Variants in PNLDC1 observed in about 807,000 individuals in gnomAD.
PNLDC1 encodes PARN like ribonuclease domain containing exonuclease 1.
Under a neutral mutation model 82.0 loss-of-function variants are expected in PNLDC1, and 70 were observed. That is an observed-to-expected ratio of 0.85 (90% CI 0.70 to 1.04). The LOEUF (loss-of-function observed/expected upper bound fraction) is 1.04. PNLDC1 is among the 50% of genes least tolerant of loss of function. The pLI, the probability that PNLDC1 is intolerant of heterozygous loss-of-function variation, is 0.00. For missense variants in PNLDC1, 631 were observed against 661.1 expected (o/e 0.95, Z 0.50); for synonymous variants, 280 against 249.3 (o/e 1.12, Z -1.16).
Position 159,808,225 on chromosome 6 carries a change from T to C in PNLDC1, c.563-515T>C, listed in dbSNP as rs139986245. On this transcript the variant is annotated intron_variant, in intron 7 of 18. Coordinates refer to ENST00000392167, the MANE Select transcript of PNLDC1 (RefSeq NM_001271862.2). ...CACTGCGCCCAGCCGTGAGGCTGGA[T>C]TTTCTTATGTTTCAATGATCACAAC... Among the ~76,000 whole-genome samples, 1,087 of 152,288 alleles carry C rather than the reference T, an allele frequency of 7.1e-3. 12 individuals carry two copies. The highest frequency in any genetic ancestry group is 0.024 in the African/African-American group (992 of 41,556).
chr6:159,802,707 T>C (rs750417360), intron 3 of PNLDC1, among the ~76,000 whole-genome samples: 16 of 152,068 alleles, frequency 1.1e-4, no homozygotes, highest in Non-Finnish European at 2.1e-4. Context: ...CTCAGCCTCC[T>C]GAGTAGCTGG....
chr6:159,803,163 C>G (rs989764669), intron 3 of PNLDC1, 108 bp from the exon 4 acceptor site: 6 of 948,652 alleles, frequency 6.3e-6, no homozygotes, highest in Non-Finnish European at 1.0e-5. Flanking sequence ...TTGTACAGCC[C>G]ACATAGTATC....
intron 13 of PNLDC1, 126 bp from the exon 14 acceptor site, chr6:159,816,417 C>A: frequency 1.2e-6 from 1 of 865,828 alleles, no homozygotes; most frequent in Non-Finnish European, 2.0e-6. Flanking sequence ...GTGTGTGGGC[C>A]TGGAGAAGGG....
intron 3 of PNLDC1, 146 bp from the exon 4 acceptor site, chr6:159,803,125 C>T (rs771491537): frequency 1.1e-5 from 7 of 609,532 alleles, no homozygotes; most frequent in Admixed American, 3.4e-5. Flanking sequence ...TCTGTCTTTT[C>T]TTTTTTGTCA....
At position 159,815,892 on chromosome 6, in the gene PNLDC1, T is replaced by G. The variant is rs978333805; in HGVS notation, c.996-77T>G. The G allele has an allele frequency of 7.7e-5, 89 of 1,150,758 alleles. 1 individual carries two copies. Among genetic ancestry groups the G allele is most frequent in the Non-Finnish European group, 1.1e-4 (85 of 778,838 alleles). 71.3% of individuals were successfully genotyped at this position (1,150,758 alleles called of 1,614,324 possible). A position where few individuals can be genotyped will look rare whatever the true frequency, so the allele number is the denominator to read the frequency against. On this transcript the variant is annotated intron_variant, in intron 12 of 18. Coordinates refer to ENST00000392167, the MANE Select transcript of PNLDC1 (RefSeq NM_001271862.2). Reference sequence around the variant, plus strand: ...GTACATTTAAAAAATTTATATTAACTTAAGGGACTGAGGGGGAATACAAGA... The same window carrying G: ...GTACATTTAAAAAATTTATATTAACGTAAGGGACTGAGGGGGAATACAAGA...
At chr6:159,802,730 G>T (rs1296138529) in intron 3 of PNLDC1, among the ~76,000 whole-genome samples, 1 of 151,842 alleles carries the variant, frequency 6.6e-6, no homozygotes, top group Admixed American at 6.6e-5. Flanking sequence ...TTACAGGTGC[G>T]CGCCACCACA....
Position 159,819,608 on chromosome 6 carries a change from G to C in PNLDC1, c.1532+256G>C, listed in dbSNP as rs565750849. ...AAATCCCTGCTCTCGTGGAGCTCACGTGCTGGGGGAGACAAACAGGATAAA... is the reference window on the plus strand; with the variant it reads ...AAATCCCTGCTCTCGTGGAGCTCACCTGCTGGGGGAGACAAACAGGATAAA... On this transcript the variant is annotated intron_variant, in intron 18 of 18. Coordinates refer to ENST00000392167, the MANE Select transcript of PNLDC1 (RefSeq NM_001271862.2). The surrounding 1 kb of genome is among the most constrained non-coding windows in gnomAD (Gnocchi z 4.6). Among the ~76,000 whole-genome samples the C allele has an allele frequency of 1.5e-4, 23 of 152,232 alleles. No homozygotes were observed. The highest frequency in any genetic ancestry group is 2.9e-4 in the Non-Finnish European group (20 of 68,030).
intron 7 of PNLDC1, among the ~76,000 whole-genome samples, 198 bp from the exon 8 acceptor site, chr6:159,808,542 A>C (rs1282017283): frequency 4.6e-5 from 7 of 151,784 alleles, no homozygotes; most frequent in African/African-American, 1.5e-4. Context: ...AAAAAAAAAA[A>C]AAAAACTCTT....
chr6:159,806,156 A>G, intron 7 of PNLDC1, 73 bp downstream of exon 7: 3 of 1,152,180 alleles, frequency 2.6e-6, no homozygotes, highest in Non-Finnish European at 1.3e-6. Context: ...AGTTGGGGGA[A>G]ACACACCCTT....
In PNLDC1 at chr6:159,811,764, G is replaced by C; in HGVS notation, c.917G>C (p.Ser306Thr). 12 of 1,611,920 alleles carry C rather than the reference G, an allele frequency of 7.4e-6. No homozygotes were observed. Among genetic ancestry groups the C allele is most frequent in the Non-Finnish European group, 1.0e-5 (12 of 1,178,046 alleles). The change falls in exon 11 of 19, where the codon AGT (serine) becomes ACT (threonine). Residue 306 changes from serine (S) to threonine (T), a missense_variant. Physicochemically the swap from Ser to Thr is moderately conservative, Grantham distance 58. Coordinates refer to ENST00000392167, the MANE Select transcript of PNLDC1 (RefSeq NM_001271862.2). ...SLFPVLIDTK[S>T]VTKDIWKEMN... ...TTTCCTGTTCTCATTGATACCAAGA[G>C]TGTAACAAAGGATATCTGGAAGGTA...
chr6:159,814,246 CGA>C (rs1562504274), intron 12 of PNLDC1, among the ~76,000 whole-genome samples: 1 of 152,150 alleles, frequency 6.6e-6, no homozygotes, highest in Non-Finnish European at 1.5e-5. Context: ...GGACGAGGCA[CGA>C]GAGGCGTTTG....
intron 7 of PNLDC1, among the ~76,000 whole-genome samples, chr6:159,807,877 C>A (rs1182134571): frequency 6.6e-6 from 1 of 151,304 alleles, no homozygotes; most frequent in African/African-American, 2.4e-5. Context: ...ATTCTGTTCC[C>A]TTTTCCACCT....
chr6:159,815,352 C>G (rs1781777806), intron 12 of PNLDC1, among the ~76,000 whole-genome samples: 2 of 152,238 alleles, frequency 1.3e-5, no homozygotes, highest in Admixed American at 6.5e-5. Flanking sequence ...TCTGATCAGT[C>G]TTTCTGTGGT....
rs751223588 is a variant in PNLDC1 at position 159,803,977 on chromosome 6, T to G, written c.261T>G (p.His87Gln). 1.9e-6 allele frequency: 3 copies of G among 1,613,472 alleles called. No homozygotes were observed. The Admixed American group carries it at 5.0e-5, about 27-fold the overall frequency. Residue 87 changes from histidine (H) to glutamine (Q), a missense_variant, in exon 5 of 19, where the codon CAT becomes CAG. Transcript: ENST00000392167. ...IEGEANKYIA[H>Q]SCNFYLFPTT... ...TGTTTTATTATAGGTATATAGCCCATTCTTGTAACTTCTATCTCTTCCCTA... is the reference window on the plus strand; with the variant it reads ...TGTTTTATTATAGGTATATAGCCCAGTCTTGTAACTTCTATCTCTTCCCTA...
At chr6:159,807,764 G>A (rs1781500841) in intron 7 of PNLDC1, among the ~76,000 whole-genome samples, 1 of 152,204 alleles carries the variant, frequency 6.6e-6, no homozygotes, top group African/African-American at 2.4e-5. Context: ...ACTCATTAAT[G>A]ATGGTTTCAG....
chr6:159,803,863 T>G, intron 4 of PNLDC1, 102 bp from the exon 5 acceptor site: 1 of 1,297,098 alleles, frequency 7.7e-7, no homozygotes, highest in Non-Finnish European at 1.1e-6. Context: ...CACACTCAGA[T>G]TCTTCTTGCC....
At chr6:159,807,609 G>A (rs1419788074) in intron 7 of PNLDC1, among the ~76,000 whole-genome samples, 1 of 152,152 alleles carries the variant, frequency 6.6e-6, no homozygotes, top group African/African-American at 2.4e-5. Flanking sequence ...GCAAACATTT[G>A]GGAGACCTAC....
rs1007105391 is a variant in PNLDC1, at chr6:159,804,103, G to T, written c.372+15G>T. On this transcript the variant is annotated intron_variant, in intron 5 of 18. Coordinates refer to ENST00000392167, the MANE Select transcript of PNLDC1 (RefSeq NM_001271862.2). ...ACTATAACAAGGTATGGCATTGGAGGAGGGGAACGGGAATGTCTTTTGTTT... is the reference window on the plus strand; with the variant it reads ...ACTATAACAAGGTATGGCATTGGAGTAGGGGAACGGGAATGTCTTTTGTTT... 15 of 1,611,870 alleles carry T rather than the reference G, an allele frequency of 9.3e-6. No individual in the cohort carries two copies. The Admixed American group carries it at 1.2e-4, about 13-fold the overall frequency.
Position 159,818,579 on chromosome 6 carries a change from C to T in PNLDC1, c.1182C>T (p.Ser394=). The change falls in exon 16 of 19, where the codon TCC becomes TCT. Residue 394 remains serine (S), a synonymous_variant. Transcript: ENST00000392167. ...IYHIDPVPES[S]FPQYLDVLAP... ...GCATCGACCCCGTGCCCGAGTCATCCTTTCCTCAGTACCTTGACGTGCTGG... is the reference window on the plus strand; with the variant it reads ...GCATCGACCCCGTGCCCGAGTCATCTTTTCCTCAGTACCTTGACGTGCTGG... 4 of 1,613,896 alleles carry T rather than the reference C, an allele frequency of 2.5e-6. No homozygotes were observed. The highest frequency in any genetic ancestry group is 3.4e-6 in the Non-Finnish European group (4 of 1,180,038).
Sources: gnomAD v4.1 joint callset for allele counts (sites outside exome capture counted in the v4.1 genomes callset) on GRCh38, gnomAD v4.1.1 for gene constraint, Gnocchi (gnomAD v3.1) non-coding constraint, MANE v1.5 for transcripts, NCBI Gene and HGNC (gene_info 2026-07-23, HGNC 2026-07-21) for gene names.